RFC1: variants seen among roughly 807,000 people sequenced by gnomAD.
RFC1 encodes A1 140 kDa subunit.
A neutral mutation model predicts 137.4 loss-of-function variants in RFC1; 37 were observed. The ratio of observed to expected loss-of-function variants is 0.27; its 90% CI spans 0.21 to 0.35. The LOEUF is 0.35. Ranked by LOEUF, RFC1 falls within the 10% of genes least tolerant of loss-of-function variation. RFC1 has a pLI of 1.00. For missense variants in RFC1, 1,205 were observed against 1,358.5 expected, an observed-to-expected ratio of 0.89 and a Z score of 1.78; for synonymous variants, 429 against 455.7, an observed-to-expected ratio of 0.94 and a Z score of 0.75.
intron 4 of RFC1, among the ~76,000 whole-genome samples, chr4:39,332,900 T>C (rs919745874): frequency 2.0e-5 from 3 of 152,208 alleles, no homozygotes; most frequent in African/African-American, 7.2e-5. Flanking sequence ...GAAGGATCAC[T>C]TGAGCCCAGG....
intron 10 of RFC1, among the ~76,000 whole-genome samples, chr4:39,315,076 A>G (rs1739171594): frequency 1.3e-5 from 2 of 152,158 alleles, no homozygotes; most frequent in African/African-American, 2.4e-5. Flanking sequence ...CTTCACAGCC[A>G]AACTTATCAA....
intron 21 of RFC1, among the ~76,000 whole-genome samples, chr4:39,296,712 T>C (rs1488602681): frequency 6.6e-6 from 1 of 151,420 alleles, no homozygotes; most frequent in African/African-American, 2.4e-5. Flanking sequence ...GCAATAAACA[T>C]ACATGTGCAT....
At chr4:39,296,830 T>C (rs1211695896) in intron 21 of RFC1, among the ~76,000 whole-genome samples, 9 of 149,872 alleles carry the variant, frequency 6.0e-5, no homozygotes, top group African/African-American at 2.2e-4. Context: ...ATCGCCACAC[T>C]GACTTCCACA....
intron 1 of RFC1, among the ~76,000 whole-genome samples, chr4:39,362,626 T>C (rs1463867711): frequency 3.9e-5 from 6 of 152,220 alleles, no homozygotes; most frequent in African/African-American, 1.4e-4. Context: ...TCACACCCTA[T>C]ATAAAAATTA....
chr4:39,345,435 T>C lies in RFC1; in HGVS notation c.174A>G (p.Gln58=), dbSNP rs771159966. The part of the protein sequence containing the change: ...SRKEDDFKQK[Q]PSKKKRIIYD... ...AGATGATCCTCTTTTTCTTGCTTGG[T>C]TGCTTTTGTTTGAAGTCATCCTCTT... The change falls in exon 3 of 25, where the codon CAA becomes CAG. Residue 58 remains glutamine, a synonymous_variant. Coordinates refer to ENST00000349703, the MANE Select transcript of RFC1 (RefSeq NM_002913.5). 2.5e-6 allele frequency: 4 copies of C among 1,613,980 alleles called. No individual in the cohort carries two copies. The highest frequency in any genetic ancestry group is 3.3e-5 in the Admixed American group (2 of 60,022).
intron 13 of RFC1, among the ~76,000 whole-genome samples, chr4:39,307,097 C>T (rs1485270899): frequency 6.6e-6 from 1 of 152,154 alleles, no homozygotes; most frequent in Non-Finnish European, 1.5e-5. Context: ...CTGCCTCCTC[C>T]TTTGTTAGAT....
intron 1 of RFC1, among the ~76,000 whole-genome samples, chr4:39,359,664 T>C (rs973796888): frequency 2.0e-5 from 3 of 151,634 alleles, no homozygotes; most frequent in Non-Finnish European, 4.4e-5. Flanking sequence ...CTACTAAAAA[T>C]ACAAAAAATT....
intron 8 of RFC1, 66 bp from the exon 9 acceptor site, chr4:39,320,735 T>C: frequency 6.9e-7 from 1 of 1,446,770 alleles, no homozygotes. Context: ...AACTTTTCTT[T>C]CATTTTTCAA....
intron 2 of RFC1, among the ~76,000 whole-genome samples, chr4:39,350,929 G>T (rs1578167317): frequency 6.6e-6 from 1 of 152,232 alleles, no homozygotes; most frequent in East Asian, 1.9e-4. Context: ...ATATGTAGGT[G>T]TAATATATAT....
intron 21 of RFC1, among the ~76,000 whole-genome samples, chr4:39,298,950 C>T (rs1475133563): frequency 1.3e-5 from 2 of 152,138 alleles, no homozygotes; most frequent in Non-Finnish European, 2.9e-5. Flanking sequence ...GGAACAGGCC[C>T]CCCAAAATCT....
chr4:39,335,798 C>T lies in RFC1; in HGVS notation c.331+6547G>A, dbSNP rs17288026. Among the ~76,000 whole-genome samples, 257 of 152,320 alleles carry T rather than the reference C, an allele frequency of 1.7e-3. 1 individual carries two copies. The East Asian group carries it at 0.028, about 16-fold the overall frequency. Reference sequence around the variant, plus strand: ...CCCCACTGCCATTCACATACATCTTCCCCACACAAGAGGAGAGAACAGTGC... The same window carrying T: ...CCCCACTGCCATTCACATACATCTTTCCCACACAAGAGGAGAGAACAGTGC... On this transcript the variant is annotated intron_variant, in intron 4 of 24. Transcript: ENST00000349703.
At chr4:39,343,743 T>C (rs181446891) in intron 3 of RFC1, among the ~76,000 whole-genome samples, 46 of 152,322 alleles carry the variant, frequency 3.0e-4, no homozygotes, top group African/African-American at 9.9e-4. Flanking sequence ...TTAAGTACTT[T>C]CAGAATTCAG....
At chr4:39,337,454 G>C (rs1740413452) in intron 4 of RFC1, among the ~76,000 whole-genome samples, 1 of 148,168 alleles carries the variant, frequency 6.7e-6, no homozygotes, top group Admixed American at 6.7e-5. Flanking sequence ...GTGTGTGTGT[G>C]TGTGTGTGTG....
Position 39,288,721 on chromosome 4 carries a change from A to G in RFC1, c.*40T>C. ...CTCTAGACCAGCTGGACTGGTCAGG[A>G]GGGAGAGTAAAAAGTGGCTGTCGCT... On this transcript the variant is annotated 3_prime_UTR_variant, in exon 25 of 25. Transcript: ENST00000349703. 1 of 1,288,564 alleles carries G rather than the reference A, an allele frequency of 7.8e-7. No homozygotes were observed. Among genetic ancestry groups the G allele is most frequent in the Non-Finnish European group, 1.1e-6 (1 of 885,900 alleles). 79.8% of individuals were successfully genotyped at this position (1,288,564 alleles called of 1,614,324 possible).
At chr4:39,345,578 T>G in intron 2 of RFC1, 102 bp from the exon 3 acceptor site, 1 of 875,226 alleles carries the variant, frequency 1.1e-6, no homozygotes, top group East Asian at 2.7e-5. Context: ...TGGAGCGCAG[T>G]GGCACGATCT....
chr4:39,329,151 A>AAAAAAAAAAAAAAAAAAAAAAAC (rs1739949294), intron 4 of RFC1, among the ~76,000 whole-genome samples: 1 of 137,960 alleles, frequency 7.2e-6, no homozygotes, highest in Non-Finnish European at 1.6e-5. Context: ...AAAAAAAAAA[A>AAAAAAAAAAAAAAAAAAAAAAAC]AAGCTTTTCG....
intron 12 of RFC1, among the ~76,000 whole-genome samples, chr4:39,310,635 T>A (rs1241675137): frequency 6.6e-6 from 1 of 152,216 alleles, no homozygotes; most frequent in African/African-American, 2.4e-5. Flanking sequence ...CTTTGTAGTC[T>A]GTGGATCCAA....
chr4:39,351,529 T>C, intron 1 of RFC1, 53 bp from the exon 2 acceptor site: 2 of 1,438,644 alleles, frequency 1.4e-6, no homozygotes, highest in Non-Finnish European at 1.8e-6. Context: ...CATAAAATTA[T>C]AACTTCAATT....
chr4:39,349,959 G>A (rs1295765063), intron 2 of RFC1, among the ~76,000 whole-genome samples: 2 of 152,144 alleles, frequency 1.3e-5, no homozygotes, highest in Admixed American at 6.5e-5. Context: ...AGCCGAGATC[G>A]TGCCATTGCA....
Sources: gnomAD v4.1 joint callset for allele counts (sites outside exome capture counted in the v4.1 genomes callset) on GRCh38, gnomAD v4.1.1 for gene constraint, MANE v1.5 for transcripts, NCBI Gene and HGNC (gene_info 2026-07-23, HGNC 2026-07-21) for gene names.